The following CDC73 variants were observed in gnomAD, a reference collection of about 807,000 sequenced individuals.
The protein encoded by CDC73 is cell division cycle 73, also known as parafibromin.
Under a neutral mutation model 83.7 loss-of-function variants are expected in CDC73, and 21 were observed. The ratio of observed to expected loss-of-function variants is 0.25; its 90% CI spans 0.18 to 0.36. The LOEUF (loss-of-function observed/expected upper bound fraction) is 0.36, where lower values mean the gene tolerates loss of function less well. CDC73 is among the 10% of genes least tolerant of loss of function. The pLI is 1.00. For synonymous variants in CDC73, 224 were observed against 212.9 expected, an observed-to-expected ratio of 1.05 and a Z score of -0.45; for missense variants, 342 against 653.3, an observed-to-expected ratio of 0.52 and a Z score of 5.19.
intron 15 of CDC73, among the ~76,000 whole-genome samples, chr1:193,237,637 A>G (rs1677786024): frequency 6.6e-6 from 1 of 152,124 alleles, no homozygotes. Flanking sequence ...GTGGCGAGGC[A>G]GTGGTGACCA....
chr1:193,123,061 C>G (rs74130920), intron 1 of CDC73, among the ~76,000 whole-genome samples: 4,675 of 152,216 alleles, frequency 0.031, 229 homozygotes, highest in African/African-American at 0.11. Context: ...CTTCTAGAGA[C>G]GGCTCTAACA....
intron 10 of CDC73, among the ~76,000 whole-genome samples, chr1:193,164,965 C>T (rs950933138): frequency 6.6e-6 from 1 of 152,114 alleles, no homozygotes; most frequent in Admixed American, 6.6e-5. Context: ...CCTTTCTGCA[C>T]GTTTGAGCTG....
chr1:193,202,104 G>A (rs1227011853), intron 10 of CDC73, among the ~76,000 whole-genome samples: 1 of 152,086 alleles, frequency 6.6e-6, no homozygotes, highest in Non-Finnish European at 1.5e-5. Context: ...TAAGTAATAT[G>A]ATTAGTTTAC....
At position 193,251,158 on chromosome 1, in the gene CDC73, TA is replaced by T. The variant is rs1396834562; in HGVS notation, c.*447del. 1 of 246,258 alleles carries T rather than the reference TA, an allele frequency of 4.1e-6. No individual in the cohort carries two copies. The highest frequency in any genetic ancestry group is 8.0e-6 in the Non-Finnish European group (1 of 125,410). The allele number at this position is 246,258 out of a possible 1,614,324, so 15.3% of individuals were successfully genotyped here. A position where few individuals can be genotyped will look rare whatever the true frequency, so the allele number is the denominator to read the frequency against. ...CCAAAACCAAGCAAAGGGATGTGAC[TA>T]TTTTGAATGAATCAGAATGTCAACT... On this transcript the variant is annotated 3_prime_UTR_variant, in exon 17 of 17. Coordinates refer to ENST00000367435, the MANE Select transcript of CDC73 (RefSeq NM_024529.5).
chr1:193,221,494 TAAAA>T (rs747736762), intron 13 of CDC73, among the ~76,000 whole-genome samples: 54 of 152,254 alleles, frequency 3.5e-4, no homozygotes, highest in Admixed American at 5.9e-4. Context: ...TGACAACTTT[TAAAA>T]AAATAAATAT....
chr1:193,207,651 G>T lies in CDC73; in HGVS notation c.1030+3799G>T, dbSNP rs113789575. 1.2e-4 allele frequency among the ~76,000 whole-genome samples: 19 copies of T among 152,200 alleles called. No homozygotes were observed. In the East Asian group the frequency reaches 3.7e-3, roughly 29 times the overall value. On this transcript the variant is annotated intron_variant, in intron 11 of 16. Coordinates refer to ENST00000367435, the MANE Select transcript of CDC73 (RefSeq NM_024529.5). ...AGAAAAATATGGCTGTATTCTGCCTGACCCCACAGGCAGGCAGACCTTATG... is the reference window on the plus strand; with the variant it reads ...AGAAAAATATGGCTGTATTCTGCCTTACCCCACAGGCAGGCAGACCTTATG...
In CDC73 at chr1:193,122,031, G is replaced by GC; in HGVS notation, c.-169dup. On this transcript the variant is annotated 5_prime_UTR_variant, in exon 1 of 17. Coordinates refer to ENST00000367435, the MANE Select transcript of CDC73 (RefSeq NM_024529.5). ...CGCGGGGTCCTCGGCGGCCTGGGTG[G>GC]CTACTGCCCCTGCTGCTGTCGTAGG... 1 of 637,846 alleles carries GC rather than the reference G, an allele frequency of 1.6e-6. No individual in the cohort carries two copies. 39.5% of individuals were successfully genotyped at this position (637,846 alleles called of 1,614,324 possible). A position where few individuals can be genotyped will look rare whatever the true frequency, so the allele number is the denominator to read the frequency against.
chr1:193,171,178 G>C (rs571932170), intron 10 of CDC73, among the ~76,000 whole-genome samples: 2 of 152,328 alleles, frequency 1.3e-5, no homozygotes, highest in Admixed American at 6.5e-5. Context: ...GTATCAATCT[G>C]TCTAGGTCCC....
At chr1:193,180,795 A>G in intron 10 of CDC73, 1 of 1,614,138 alleles carries the variant, frequency 6.2e-7, no homozygotes, top group Non-Finnish European at 8.5e-7. Flanking sequence ...CAGTGTTGAC[A>G]AACATGTCAC....
At chr1:193,144,644 C>T (rs930371352) in intron 7 of CDC73, among the ~76,000 whole-genome samples, 7 of 152,030 alleles carry the variant, frequency 4.6e-5, no homozygotes, top group African/African-American at 1.7e-4. Flanking sequence ...TAAATCTTGA[C>T]CCTCAAGTGT....
chr1:193,211,555 C>A (rs1047801716), intron 11 of CDC73, among the ~76,000 whole-genome samples: 6 of 152,166 alleles, frequency 3.9e-5, no homozygotes, highest in African/African-American at 1.2e-4. Context: ...ATCACTCTTA[C>A]ACTTTGAGGC....
intron 10 of CDC73, among the ~76,000 whole-genome samples, chr1:193,198,852 T>C (rs79577869): frequency 6.6e-6 from 1 of 152,212 alleles, no homozygotes; most frequent in Non-Finnish European, 1.5e-5. Flanking sequence ...TTTTTGCTTG[T>C]TTGTTTGTTG....
In CDC73 at chr1:193,251,844, G is replaced by GTTT; in HGVS notation, c.*1142_*1144dup. 1 of 199,116 alleles carries GTTT rather than the reference G, an allele frequency of 5.0e-6. No individual in the cohort carries two copies. Among genetic ancestry groups the GTTT allele is most frequent in the Non-Finnish European group, 1.0e-5 (1 of 99,682 alleles). 12.3% of individuals were successfully genotyped at this position (199,116 alleles called of 1,614,324 possible). A position where few individuals can be genotyped will look rare whatever the true frequency, so the allele number is the denominator to read the frequency against. Reference sequence around the variant, plus strand: ...TTGCCTTGAACCTTGATTTCACTTTGTTTTTTTTTTTTCCTTAAAGGCAAC... The same window carrying GTTT: ...TTGCCTTGAACCTTGATTTCACTTTGTTTTTTTTTTTTTTTCCTTAAAGGCAAC... On this transcript the variant is annotated 3_prime_UTR_variant, in exon 17 of 17. Transcript: ENST00000367435.
intron 15 of CDC73, chr1:193,236,874 A>G: frequency 6.5e-6 from 1 of 153,802 alleles, no homozygotes; most frequent in Non-Finnish European, 1.4e-5. Context: ...ACAAGAGCGA[A>G]ACTCCGTCTC....
chr1:193,180,976 T>A (rs1353228984), intron 10 of CDC73: 1 of 1,613,398 alleles, frequency 6.2e-7, no homozygotes, highest in Non-Finnish European at 8.5e-7. Flanking sequence ...GCCATTTAGC[T>A]TAATACTTAA....
rs549510805 is a variant in CDC73, at chr1:193,209,748, C to G, written c.1031-2317C>G. The stretch of plus-strand genomic sequence containing the variant: ...TTGCCTTTTTCTTATATTGGGTCTT[C>G]TCAGCCTTGAGTTTAGTAAATGTTT... On this transcript the variant is annotated intron_variant, in intron 11 of 16. Transcript: ENST00000367435. Among the ~76,000 whole-genome samples, 9 of 152,160 alleles carry G rather than the reference C, an allele frequency of 5.9e-5. No individual in the cohort carries two copies. In the South Asian group the frequency reaches 1.5e-3, roughly 25 times the overall value.
intron 10 of CDC73, among the ~76,000 whole-genome samples, chr1:193,160,044 T>C (rs1396449198): frequency 1.3e-5 from 2 of 152,176 alleles, no homozygotes; most frequent in African/African-American, 2.4e-5. Context: ...TGAGATTTAT[T>C]GAAAATCCAT....
chr1:193,153,168 A>G (rs1243327352), intron 10 of CDC73, among the ~76,000 whole-genome samples: 6 of 152,276 alleles, frequency 3.9e-5, no homozygotes, highest in Middle Eastern at 6.8e-3. Context: ...ATACTTGGGT[A>G]TCTGTGAATA....
At chr1:193,144,593 C>T (rs527957594) in intron 7 of CDC73, among the ~76,000 whole-genome samples, 2 of 152,126 alleles carry the variant, frequency 1.3e-5, no homozygotes, top group African/African-American at 2.4e-5. Flanking sequence ...TCTTTACTCA[C>T]GAATGTCCTT....
Sources: allele counts gnomAD v4.1 joint callset (sites outside exome capture counted in the v4.1 genomes callset), GRCh38; gene constraint gnomAD v4.1.1; transcripts MANE v1.5; gene names NCBI Gene and HGNC (gene_info 2026-07-23, HGNC 2026-07-21).